PTP4A1: variants seen among roughly 807,000 people sequenced by gnomAD.
PTP4A1 encodes protein tyrosine phosphatase type IVA 1.
PTP4A1 carries 9 observed loss-of-function variants against 20.5 expected under a neutral mutation model. That is an observed-to-expected ratio of 0.44 (90% CI 0.26 to 0.77). The LOEUF is 0.77. Ranked by LOEUF, PTP4A1 falls within the 30% of genes least tolerant of loss-of-function variation. PTP4A1 has a pLI of 0.19. For synonymous variants in PTP4A1, 78 were observed against 67.4 expected, an observed-to-expected ratio of 1.16 and a Z score of -0.77; for missense variants, 137 against 218.8, an observed-to-expected ratio of 0.63 and a Z score of 2.36.
chr6:63,556,569 C>T (rs924422166), intron 3 of PTP4A1, among the ~76,000 whole-genome samples: 1 of 152,138 alleles, frequency 6.6e-6, no homozygotes, highest in Non-Finnish European at 1.5e-5. Context: ...CTGTATGCCT[C>T]ATAATGCATA....
chr6:63,535,711 AT>A (rs1775689138), intron 2 of PTP4A1, among the ~76,000 whole-genome samples: 1 of 152,186 alleles, frequency 6.6e-6, no homozygotes, highest in Admixed American at 6.5e-5. Context: ...AGTCACAAGG[AT>A]TGTGCCTTTG....
intron 2 of PTP4A1, among the ~76,000 whole-genome samples, chr6:63,546,189 G>A (rs563090808): frequency 6.6e-6 from 1 of 152,166 alleles, no homozygotes; most frequent in Admixed American, 6.5e-5. Context: ...ACACACACAG[G>A]AATACAATTT....
Position 63,580,149 on chromosome 6 carries a change from A to C in PTP4A1, c.497A>C (p.His166Pro). 1 of 1,612,568 alleles carries C rather than the reference A, an allele frequency of 6.2e-7. No homozygotes were observed. Among genetic ancestry groups the C allele is most frequent in the Non-Finnish European group, 8.5e-7 (1 of 1,178,698 alleles). ...CTGCGTTTCAAAGATTCCAACGGTC[A>C]TAGAAACAACTGTTGCATTCAATAA... ...MRLRFKDSNGHRNNCCIQ is the reference protein window; with the variant it reads ...MRLRFKDSNGPRNNCCIQ Residue 166 changes from histidine to proline, a missense_variant, in exon 6 of 6, where the codon CAT becomes CCT. Transcript: ENST00000626021.
Position 63,522,723 on chromosome 6 carries a change from A to C in PTP4A1, c.-906+897A>C, listed in dbSNP as rs141437231. 1.2e-3 allele frequency among the ~76,000 whole-genome samples: 182 copies of C among 152,140 alleles called. 1 individual carries two copies. Among genetic ancestry groups the C allele is most frequent in the Admixed American group, 7.9e-3 (120 of 15,258 alleles). ...GCTCATATGTTTACTCACAGCTGAT[A>C]CTCTTTCAACAATAGGGGAGATACC... On this transcript the variant is annotated intron_variant, in intron 1 of 3. Transcript: ENST00000639568.
In PTP4A1 at chr6:63,541,435, T is replaced by C. The variant is rs533752869; in HGVS notation, c.-639-8865T>C. ...AGGCATAGTGGCAGGTGCCTATAAT[T>C]CCAGCTACTCAGGAGGCTGAGACAG... On this transcript the variant is annotated intron_variant, in intron 2 of 3. Coordinates refer to the PTP4A1 transcript ENST00000639568. Among the ~76,000 whole-genome samples the C allele has an allele frequency of 3.3e-5, 5 of 151,224 alleles. No individual in the cohort carries two copies. In the South Asian group the frequency reaches 1.1e-3, roughly 32 times the overall value.
intron 3 of PTP4A1, among the ~76,000 whole-genome samples, chr6:63,559,735 ACT>A (rs1054651816): frequency 3.3e-5 from 5 of 151,012 alleles, no homozygotes; most frequent in Admixed American, 3.3e-4. Context: ...ACAGAATGAG[ACT>A]CTGTCTCAAA....
At chr6:63,545,905 C>G (rs1180783626) in intron 2 of PTP4A1, among the ~76,000 whole-genome samples, 1 of 152,038 alleles carries the variant, frequency 6.6e-6, no homozygotes, top group African/African-American at 2.4e-5. Context: ...AAACCTGGTT[C>G]TGTTATTCAA....
In PTP4A1 at chr6:63,573,008, C is replaced by T. The variant is rs546826632; in HGVS notation, c.-446+289C>T. Among the ~76,000 whole-genome samples, 4 of 151,994 alleles carry T rather than the reference C, an allele frequency of 2.6e-5. No homozygotes were observed. In the South Asian group the frequency reaches 8.3e-4, roughly 32 times the overall value. Reference sequence around the variant, plus strand: ...CCCGGAGCGACGGGGGCGGCGCGGTCCGGCTTCTGCGGCGGCCGGGGGCAG... The same window carrying T: ...CCCGGAGCGACGGGGGCGGCGCGGTTCGGCTTCTGCGGCGGCCGGGGGCAG... On this transcript the variant is annotated intron_variant, in intron 1 of 5. Transcript: ENST00000626021.
chr6:63,528,521 T>A (rs1581909897), intron 2 of PTP4A1, among the ~76,000 whole-genome samples: 1 of 152,114 alleles, frequency 6.6e-6, no homozygotes, highest in Non-Finnish European at 1.5e-5. Context: ...GCCCAGGTGT[T>A]CAAGGCCAGC....
chr6:63,528,369 G>A (rs1185470032), intron 2 of PTP4A1, among the ~76,000 whole-genome samples: 1 of 152,076 alleles, frequency 6.6e-6, no homozygotes, highest in Non-Finnish European at 1.5e-5. Flanking sequence ...GCTGAGGTGG[G>A]AGAATCGCTT....
chr6:63,542,711 C>A (rs1004238087), intron 2 of PTP4A1, among the ~76,000 whole-genome samples: 2 of 152,164 alleles, frequency 1.3e-5, no homozygotes, highest in African/African-American at 4.8e-5. Flanking sequence ...CCTTCACCGA[C>A]TGCTTTTTTG....
chr6:63,540,585 A>G (rs1336121427), intron 2 of PTP4A1, among the ~76,000 whole-genome samples: 1 of 151,826 alleles, frequency 6.6e-6, no homozygotes, highest in Non-Finnish European at 1.5e-5. Flanking sequence ...TGCTCCACTC[A>G]CTGCACTCCA....
chr6:63,580,209 T>C lies in PTP4A1; in HGVS notation c.*35T>C. Reference sequence around the variant, plus strand: ...GCCTAATGCTACTGGAAGTGGAACTTGAGATAGGGCCTAATTTGTTATACA... The same window carrying C: ...GCCTAATGCTACTGGAAGTGGAACTCGAGATAGGGCCTAATTTGTTATACA... On this transcript the variant is annotated 3_prime_UTR_variant, in exon 6 of 6. Coordinates refer to ENST00000626021, the MANE Select transcript of PTP4A1 (RefSeq NM_003463.5). The C allele has an allele frequency of 6.8e-7, 1 of 1,475,056 alleles. No individual in the cohort carries two copies. Among genetic ancestry groups the C allele is most frequent in the Middle Eastern group, 2.2e-4 (1 of 4,618 alleles). The allele number at this position is 1,475,056 out of a possible 1,614,324, so 91.4% of individuals were successfully genotyped here.
chr6:63,522,968 G>A (rs1311527952), intron 1 of PTP4A1, among the ~76,000 whole-genome samples: 7 of 150,590 alleles, frequency 4.6e-5, no homozygotes, highest in Admixed American at 4.0e-4. Flanking sequence ...AGGTTCAAGC[G>A]ATTCTCCTGC....
intron 2 of PTP4A1, among the ~76,000 whole-genome samples, chr6:63,537,784 G>A (rs1775786158): frequency 6.6e-6 from 1 of 152,228 alleles, no homozygotes; most frequent in Non-Finnish European, 1.5e-5. Flanking sequence ...TACATGGCAA[G>A]GGGGAAGGAG....
intron 3 of PTP4A1, among the ~76,000 whole-genome samples, chr6:63,550,730 T>C (rs1776401880): frequency 6.6e-6 from 1 of 151,970 alleles, no homozygotes; most frequent in Non-Finnish European, 1.5e-5. Flanking sequence ...GTTCAAGCAA[T>C]TCTCCCAGAC....
chr6:63,560,619 G>A (rs1776903670), intron 3 of PTP4A1, among the ~76,000 whole-genome samples: 2 of 152,072 alleles, frequency 1.3e-5, no homozygotes, highest in African/African-American at 2.4e-5. Context: ...GGCCAGGCTG[G>A]TCTCGAACTC....
rs1485015648 is a variant in PTP4A1, at chr6:63,582,016, G to A, written c.*1842G>A. ...AGTAAAAAGTGATACTCCACCTTGT[G>A]TTTCAAAGAATTTAGTTCCACCTCT... On this transcript the variant is annotated 3_prime_UTR_variant, in exon 6 of 6. Coordinates refer to ENST00000626021, the MANE Select transcript of PTP4A1 (RefSeq NM_003463.5). 6.6e-6 allele frequency: 1 copy of A among 152,078 alleles called. No homozygotes were observed. The highest frequency in any genetic ancestry group is 1.5e-5 in the Non-Finnish European group (1 of 67,978). 9.4% of individuals were successfully genotyped at this position (152,078 alleles called of 1,614,324 possible).
At chr6:63,573,337 G>A (rs1035710859) in intron 1 of PTP4A1, 1 of 152,376 alleles carries the variant, frequency 6.6e-6, no homozygotes, top group Non-Finnish European at 1.5e-5. Flanking sequence ...GGGTGGTAAC[G>A]ATCTGGTTCC....
Sources: allele counts gnomAD v4.1 joint callset (sites outside exome capture counted in the v4.1 genomes callset), GRCh38; gene constraint gnomAD v4.1.1; transcripts MANE v1.5; gene names NCBI Gene and HGNC (gene_info 2026-07-23, HGNC 2026-07-21).